Variants in BNC2 observed in about 807,000 individuals in gnomAD.
BNC2 encodes the protein zinc finger protein basonuclin-2.
BNC2 carries 20 observed loss-of-function variants against 76.3 expected under a neutral mutation model. The observed-to-expected ratio is 0.26, with a 90% CI of 0.18 to 0.38. The LOEUF is 0.38. Among genes scored for constraint, BNC2 ranks in the 10% least tolerant of loss-of-function variants. The probability of loss-of-function intolerance (pLI) is 1.00; values close to 1 mark genes in which losing one functional copy is unlikely to be tolerated. For missense variants in BNC2, 1,382 were observed against 1,399.8 expected, an observed-to-expected ratio of 0.99 and a Z score of 0.20; for synonymous variants, 582 against 514.8, an observed-to-expected ratio of 1.13 and a Z score of -1.77.
chr9:16,771,902 G>T (rs1825842882), intron 1 of BNC2, among the ~76,000 whole-genome samples: 1 of 152,150 alleles, frequency 6.6e-6, no homozygotes, highest in South Asian at 2.1e-4. Context: ...ACAGTTTTAA[G>T]TTAAAGTAGT....
At chr9:16,615,163 T>C (rs1820665146) in intron 3 of BNC2, among the ~76,000 whole-genome samples, 2 of 152,100 alleles carry the variant, frequency 1.3e-5, no homozygotes, top group African/African-American at 2.4e-5. Context: ...AATTAACGAA[T>C]GGTGGGCAGC....
At chr9:16,658,903 A>G (rs1177646606) in intron 3 of BNC2, among the ~76,000 whole-genome samples, 1 of 152,236 alleles carries the variant, frequency 6.6e-6, no homozygotes, top group East Asian at 1.9e-4. Context: ...TTAGATTTTA[A>G]GGTGACAGTT....
chr9:16,801,109 G>GTA, intron 1 of BNC2, among the ~76,000 whole-genome samples: 1 of 152,204 alleles, frequency 6.6e-6, no homozygotes, highest in Non-Finnish European at 1.5e-5. Context: ...AAAATCCAAA[G>GTA]TATATCCCCT....
chr9:16,726,995 G>C (rs1186221603), intron 3 of BNC2: 1 of 152,268 alleles, frequency 6.6e-6, no homozygotes, highest in Non-Finnish European at 1.5e-5. Context: ...ATCAGTAACC[G>C]ATGGCCTCGC....
At chr9:16,717,275 T>G (rs10738452) in intron 3 of BNC2, among the ~76,000 whole-genome samples, 68,650 of 152,006 alleles carry the variant, frequency 0.45, 18,163 homozygotes, top group East Asian at 0.87. Flanking sequence ...TCACATTACT[T>G]TCTTTAAAAT....
chr9:16,477,675 AATT>A (rs1401288694), intron 5 of BNC2, among the ~76,000 whole-genome samples: 1 of 152,146 alleles, frequency 6.6e-6, no homozygotes, highest in Non-Finnish European at 1.5e-5. Context: ...AAACATATAT[AATT>A]ATATTTCATT....
intron 6 of BNC2, among the ~76,000 whole-genome samples, chr9:16,427,213 C>T (rs976712447): frequency 5.3e-5 from 8 of 152,224 alleles, no homozygotes; most frequent in Non-Finnish European, 1.2e-4. Flanking sequence ...AATTAACCTT[C>T]CATTCTCAAT....
chr9:16,653,101 G>A (rs1821836983), intron 3 of BNC2, among the ~76,000 whole-genome samples: 1 of 152,116 alleles, frequency 6.6e-6, no homozygotes, highest in Non-Finnish European at 1.5e-5. Context: ...CAGAATAAAT[G>A]AATTTTTTAA....
At chr9:16,446,743 G>GT (rs1239748720) in intron 5 of BNC2, among the ~76,000 whole-genome samples, 2 of 151,822 alleles carry the variant, frequency 1.3e-5, no homozygotes, top group Non-Finnish European at 2.9e-5. Context: ...TTTTTCTTCA[G>GT]TAACAGTCTA....
intron 3 of BNC2, among the ~76,000 whole-genome samples, chr9:16,712,213 G>A (rs1823871255): frequency 6.6e-6 from 1 of 152,114 alleles, no homozygotes; most frequent in South Asian, 2.1e-4. Context: ...ATCATTAATT[G>A]TTCTTCTATA....
intron 1 of BNC2, among the ~76,000 whole-genome samples, chr9:16,778,052 T>C (rs1376259044): frequency 6.6e-6 from 1 of 152,196 alleles, no homozygotes; most frequent in Admixed American, 6.5e-5. Context: ...AAGTATAAAC[T>C]AGAATGGCCA....
At chr9:16,675,932 G>A (rs1396146300) in intron 3 of BNC2, among the ~76,000 whole-genome samples, 2 of 152,048 alleles carry the variant, frequency 1.3e-5, no homozygotes, top group Non-Finnish European at 1.5e-5. Flanking sequence ...GGGTGTGGTG[G>A]TGCACGCCTG....
At chr9:16,824,537 G>C (rs1294111194) in intron 1 of BNC2, among the ~76,000 whole-genome samples, 1 of 152,244 alleles carries the variant, frequency 6.6e-6, no homozygotes, top group East Asian at 1.9e-4. Flanking sequence ...ATAAGCAGTG[G>C]TGCTCTCAGG....
At chr9:16,600,187 C>T (rs562823591) in intron 3 of BNC2, among the ~76,000 whole-genome samples, 1 of 152,320 alleles carries the variant, frequency 6.6e-6, no homozygotes, top group East Asian at 1.9e-4. Flanking sequence ...ATGGCTGTTT[C>T]CTACCCTATT....
intron 1 of BNC2, among the ~76,000 whole-genome samples, chr9:16,859,953 C>G (rs1198928193): frequency 1.3e-5 from 2 of 152,124 alleles, no homozygotes; most frequent in African/African-American, 4.8e-5. Flanking sequence ...AACCCCATCT[C>G]TACTAAAAAT....
At chr9:16,785,153 C>T (rs974773673) in intron 1 of BNC2, among the ~76,000 whole-genome samples, 5 of 152,210 alleles carry the variant, frequency 3.3e-5, no homozygotes, top group African/African-American at 1.2e-4. Context: ...CTGAACCCAA[C>T]TACCCACTAG....
intron 1 of BNC2, among the ~76,000 whole-genome samples, chr9:16,849,466 C>G (rs10962640): frequency 0.24 from 35,319 of 147,122 alleles, 5,142 homozygotes; most frequent in East Asian, 0.56. Context: ...TCAAGCAAGT[C>G]TCCTGCCTCA....
At chr9:16,855,751 T>C (rs573114403) in intron 1 of BNC2, among the ~76,000 whole-genome samples, 1 of 151,828 alleles carries the variant, frequency 6.6e-6, no homozygotes, top group Non-Finnish European at 1.5e-5. Context: ...GGTTTCACCA[T>C]GTTAGCCAGG....
At chr9:16,588,219 T>C (rs1186575926) in intron 3 of BNC2, among the ~76,000 whole-genome samples, 1 of 152,210 alleles carries the variant, frequency 6.6e-6, no homozygotes, top group African/African-American at 2.4e-5. Flanking sequence ...GCTCAATAAA[T>C]GACAACCATT....
Sources: gnomAD v4.1 joint callset for allele counts (sites outside exome capture counted in the v4.1 genomes callset) on GRCh38, gnomAD v4.1.1 for gene constraint, MANE v1.5 for transcripts, NCBI Gene and HGNC (gene_info 2026-07-23, HGNC 2026-07-21) for gene names.